The following PTPRD variants were observed in gnomAD, a reference collection of about 807,000 sequenced individuals.
PTPRD encodes the protein receptor-type tyrosine-protein phosphatase delta.
In PTPRD, 34 loss-of-function variants were observed where a neutral mutation model predicts 214.5. The observed-to-expected ratio is 0.16, with a 90% CI of 0.12 to 0.21. PTPRD has a LOEUF of 0.21. Ranked by LOEUF, PTPRD falls within the 10% of genes least tolerant of loss-of-function variation. PTPRD has a pLI of 1.00. For missense variants in PTPRD, 2,545 were observed against 2,398.7 expected, an observed-to-expected ratio of 1.06 and a Z score of -1.27; for synonymous variants, 1,128 against 845.7, an observed-to-expected ratio of 1.33 and a Z score of -5.79.
intron 11 of PTPRD, among the ~76,000 whole-genome samples, chr9:8,983,025 T>C (rs1402399024): frequency 6.6e-6 from 1 of 152,088 alleles, no homozygotes. Context: ...CCATGTTCTA[T>C]TACTCTTTAA....
At chr9:9,612,315 T>C (rs1052759538) in intron 7 of PTPRD, among the ~76,000 whole-genome samples, 1 of 152,196 alleles carries the variant, frequency 6.6e-6, no homozygotes, top group Admixed American at 6.5e-5. Flanking sequence ...GTATGCTTAC[T>C]GTTCACAGAA....
At chr9:8,355,206 G>A (rs1488015090) in intron 39 of PTPRD, among the ~76,000 whole-genome samples, 3 of 152,038 alleles carry the variant, frequency 2.0e-5, no homozygotes, top group African/African-American at 7.2e-5. Flanking sequence ...TCTCTCTCTT[G>A]CTCCCTTTTG....
intron 2 of PTPRD, among the ~76,000 whole-genome samples, chr9:10,403,227 A>AATATATATATATATATAT (rs58712564): frequency 0.034 from 2,029 of 59,578 alleles, 288 homozygotes; most frequent in Middle Eastern, 0.052. Flanking sequence ...TGTGTGTGTA[A>AATATATATATATATATAT]ATATATATAT....
intron 3 of PTPRD, among the ~76,000 whole-genome samples, chr9:10,285,603 A>ATTT (rs2095318723): frequency 2.6e-5 from 3 of 114,644 alleles, no homozygotes; most frequent in Admixed American, 9.7e-5. Context: ...TTGGGGTCTC[A>ATTT]TCTTTTTTTT....
chr9:9,698,414 T>C (rs2097423914), intron 7 of PTPRD, among the ~76,000 whole-genome samples: 2 of 152,196 alleles, frequency 1.3e-5, no homozygotes, highest in Admixed American at 1.3e-4. Flanking sequence ...TTCAGTGTGT[T>C]GCCTGTCCCA....
intron 10 of PTPRD, among the ~76,000 whole-genome samples, chr9:9,160,465 A>C (rs1376878184): frequency 4.6e-5 from 7 of 152,178 alleles, no homozygotes; most frequent in African/African-American, 1.4e-4. Context: ...GGGTAATGAA[A>C]ATTAAAACCA....
rs2098688918 is a variant in PTPRD, at chr9:8,733,943, G to A, written c.-100C>T. On this transcript the variant is annotated 5_prime_UTR_variant, in exon 12 of 46. Transcript: ENST00000381196. ...TGAAATTTCAGCTGGAACACTTTCA[G>A]AGCCTGAAAGCGGGGAGGAAGAGAA... 2.5e-6 allele frequency: 3 copies of A among 1,199,676 alleles called. No individual in the cohort carries two copies. Among genetic ancestry groups the A allele is most frequent in the South Asian group, 2.6e-5 (2 of 76,192 alleles). 74.3% of individuals were successfully genotyped at this position (1,199,676 alleles called of 1,614,324 possible).
intron 8 of PTPRD, among the ~76,000 whole-genome samples, chr9:9,573,796 G>C: frequency 6.6e-6 from 1 of 151,732 alleles, no homozygotes; most frequent in East Asian, 1.9e-4. Flanking sequence ...CCTATGTTAT[G>C]TTGAGTGTTT....
intron 9 of PTPRD, among the ~76,000 whole-genome samples, chr9:9,327,737 G>A (rs554793950): frequency 4.5e-4 from 68 of 151,922 alleles, no homozygotes; most frequent in Non-Finnish European, 8.4e-4. Context: ...TTTTTTCACT[G>A]GATAATACAC....
At chr9:10,231,989 A>AGAGAGAGAGAGAGAGAGAGT (rs1245284728) in intron 3 of PTPRD, among the ~76,000 whole-genome samples, 2 of 92,436 alleles carry the variant, frequency 2.2e-5, no homozygotes, top group African/African-American at 1.1e-4. Context: ...AGAGAGAGAG[A>AGAGAGAGAGAGAGAGAGAGT]GTGTGTGTGT....
intron 7 of PTPRD, among the ~76,000 whole-genome samples, chr9:9,641,530 A>C (rs2095953701): frequency 6.6e-6 from 1 of 152,162 alleles, no homozygotes; most frequent in Non-Finnish European, 1.5e-5. Flanking sequence ...GCCAGATCTC[A>C]CTGACACAGA....
At chr9:9,423,181 T>C (rs1219201675) in intron 8 of PTPRD, among the ~76,000 whole-genome samples, 1 of 152,190 alleles carries the variant, frequency 6.6e-6, no homozygotes, top group Non-Finnish European at 1.5e-5. Context: ...ATGTCCAGTA[T>C]ATGAAATGAA....
chr9:10,350,348 C>T (rs1320485281), intron 2 of PTPRD, among the ~76,000 whole-genome samples: 1 of 151,984 alleles, frequency 6.6e-6, no homozygotes, highest in Non-Finnish European at 1.5e-5. Flanking sequence ...ATTCTGTTAT[C>T]TAAATATTAC....
chr9:9,638,362 C>T (rs1327306575), intron 7 of PTPRD, among the ~76,000 whole-genome samples: 2 of 152,158 alleles, frequency 1.3e-5, no homozygotes, highest in Non-Finnish European at 2.9e-5. Context: ...GTTCTGCCTT[C>T]CACAAAGTCC....
At position 9,708,371 on chromosome 9, in the gene PTPRD, A is replaced by G. The variant is rs554370570; in HGVS notation, c.-287+26162T>C. On this transcript the variant is annotated intron_variant, in intron 7 of 45. Coordinates refer to ENST00000381196, the MANE Select transcript of PTPRD (RefSeq NM_002839.4). ...GGTGAAAGATAAGAGAAGAAACCCA[A>G]ATGAGACAGACTATATTTCATTTAT... is the stretch of plus-strand genomic sequence containing the variant. Among the ~76,000 whole-genome samples, 13 of 152,226 alleles carry G rather than the reference A, an allele frequency of 8.5e-5. No individual in the cohort carries two copies. The East Asian group carries it at 2.5e-3, about 29-fold the overall frequency.
chr9:10,611,171 A>C (rs1270303110), intron 2 of PTPRD, among the ~76,000 whole-genome samples: 1 of 152,176 alleles, frequency 6.6e-6, no homozygotes, highest in African/African-American at 2.4e-5. Context: ...ATTAACAGTT[A>C]AAGATAAAAG....
At chr9:9,854,238 A>G (rs1037618688) in intron 5 of PTPRD, among the ~76,000 whole-genome samples, 4 of 152,188 alleles carry the variant, frequency 2.6e-5, no homozygotes, top group African/African-American at 9.7e-5. Context: ...CTTTGAGATG[A>G]TACAATTAAT....
At chr9:10,442,270 A>G (rs2098764400) in intron 2 of PTPRD, among the ~76,000 whole-genome samples, 1 of 151,704 alleles carries the variant, frequency 6.6e-6, no homozygotes, top group African/African-American at 2.4e-5. Flanking sequence ...TCCTTTTGGT[A>G]TGAGAACAAA....
Position 9,290,660 on chromosome 9 carries a change from C to A in PTPRD, c.-203+106789G>T, listed in dbSNP as rs551341231. 5.3e-5 allele frequency among the ~76,000 whole-genome samples: 8 copies of A among 151,556 alleles called. No individual in the cohort carries two copies. The East Asian group carries it at 1.6e-3, about 30-fold the overall frequency. On this transcript the variant is annotated intron_variant, in intron 9 of 45. Transcript: ENST00000381196. ...TTAGAAAGCCAAACTCGGTTAATGACTCTGTATGTAAATACTTTGAATCAA... is the reference window on the plus strand; with the variant it reads ...TTAGAAAGCCAAACTCGGTTAATGAATCTGTATGTAAATACTTTGAATCAA...
Sources: allele counts gnomAD v4.1 joint callset (sites outside exome capture counted in the v4.1 genomes callset), GRCh38; gene constraint gnomAD v4.1.1; transcripts MANE v1.5; gene names NCBI Gene and HGNC (gene_info 2026-07-23, HGNC 2026-07-21).